The following GPR37L1 variants were observed in gnomAD, a reference collection of about 807,000 sequenced individuals.
GPR37L1 encodes the protein G protein-coupled receptor 37 like 1, also known as G protein-coupled receptor 37-like 1.
Under a neutral mutation model 18.0 loss-of-function variants are expected in GPR37L1, and 18 were observed. That is an observed-to-expected ratio of 1.00 (90% CI 0.69 to 1.49). The LOEUF (loss-of-function observed/expected upper bound fraction) is 1.49. GPR37L1 is among the 40% of genes most tolerant of loss of function. The pLI, the probability that GPR37L1 is intolerant of heterozygous loss-of-function variation, is 0.00. For missense variants in GPR37L1, 558 were observed against 615.1 expected, an observed-to-expected ratio of 0.91 and a Z score of 0.98; for synonymous variants, 256 against 273.9, an observed-to-expected ratio of 0.93 and a Z score of 0.65.
rs1219072673 is a variant in GPR37L1 at position 202,128,557 on chromosome 1, G to A, written c.*1G>A. 6.5e-7 allele frequency: 1 copy of A among 1,528,634 alleles called. No individual in the cohort carries two copies. Among genetic ancestry groups the A allele is most frequent in the East Asian group, 2.3e-5 (1 of 44,068 alleles). 94.7% of individuals were successfully genotyped at this position (1,528,634 alleles called of 1,614,324 possible). On this transcript the variant is annotated 3_prime_UTR_variant, in exon 2 of 2. Coordinates refer to ENST00000367282, the MANE Select transcript of GPR37L1 (RefSeq NM_004767.5). ...CCTGCCCCTGGGCACACCTTGCTGA[G>A]GCCCCAGTAGGGGTGGGGAGGGAGG... is the stretch of plus-strand genomic sequence containing the variant.
rs1427565245 is a variant in GPR37L1, at chr1:202,131,720, G to A, written c.*3164G>A. The A allele has an allele frequency of 5.3e-5, 8 of 151,678 alleles. No individual in the cohort carries two copies. The highest frequency in any genetic ancestry group is 1.9e-4 in the African/African-American group (8 of 41,218). The allele number at this position is 151,678 out of a possible 1,614,324, so 9.4% of individuals were successfully genotyped here. A position where few individuals can be genotyped will look rare whatever the true frequency, so the allele number is the denominator to read the frequency against. The stretch of plus-strand genomic sequence containing the variant: ...CCTGAGTAGCTGGGACTACAAGTGT[G>A]TACCACCATGCCTGGCTGAACACTT... On this transcript the variant is annotated 3_prime_UTR_variant, in exon 2 of 2. Coordinates refer to ENST00000367282, the MANE Select transcript of GPR37L1 (RefSeq NM_004767.5).
At chr1:202,125,855 G>A (rs1347370575) in intron 1 of GPR37L1, among the ~76,000 whole-genome samples, 1 of 152,104 alleles carries the variant, frequency 6.6e-6, no homozygotes, top group East Asian at 1.9e-4. Context: ...CCAAGTAGCT[G>A]GTACCGCAGG....
chr1:202,130,331 C>T lies in GPR37L1; in HGVS notation c.*1775C>T, dbSNP rs1654807761. The T allele has an allele frequency of 6.5e-6, 1 of 152,726 alleles. No homozygotes were observed. Among genetic ancestry groups the T allele is most frequent in the South Asian group, 2.1e-4 (1 of 4,842 alleles). 9.5% of individuals were successfully genotyped at this position (152,726 alleles called of 1,614,324 possible). A position where few individuals can be genotyped will look rare whatever the true frequency, so the allele number is the denominator to read the frequency against. On this transcript the variant is annotated 3_prime_UTR_variant, in exon 2 of 2. Transcript: ENST00000367282. ...TCCACATGGGGCCTCAGGAAGGGCC[C>T]CGGGGGCCCAGGGATGGGCAGGGGC...
chr1:202,123,164 CCCCCGGCCCAT>C lies in GPR37L1; in HGVS notation c.202_212del (p.Pro68SerfsTer17), dbSNP rs1323803953. On this transcript the variant is annotated frameshift_variant, in exon 1 of 2. Transcript: ENST00000367282. LOFTEE classifies it high-confidence loss of function. ...ATGTGCCTGAGGAGTGGGCGGAGTA[CCCCCGGCCCAT>C]TCACCCTGCTGGCCTGCAGCCAACC... The C allele has an allele frequency of 6.2e-7, 1 of 1,613,022 alleles. No individual in the cohort carries two copies. Among genetic ancestry groups the C allele is most frequent in the Non-Finnish European group, 8.5e-7 (1 of 1,179,566 alleles).
chr1:202,123,971 C>T (rs1046778825), intron 1 of GPR37L1, among the ~76,000 whole-genome samples: 1 of 152,118 alleles, frequency 6.6e-6, no homozygotes, highest in Non-Finnish European at 1.5e-5. Flanking sequence ...TGTTGTGACT[C>T]CTCTTCTTTC....
At chr1:202,127,205 G>C (rs531498394) in intron 1 of GPR37L1, among the ~76,000 whole-genome samples, 1 of 152,316 alleles carries the variant, frequency 6.6e-6, no homozygotes, top group South Asian at 2.1e-4. Flanking sequence ...GGAATGTGAT[G>C]ACACGTAAAG....
chr1:202,125,724 C>T (rs376887097), intron 1 of GPR37L1, among the ~76,000 whole-genome samples: 1 of 152,086 alleles, frequency 6.6e-6, no homozygotes, highest in African/African-American at 2.4e-5. Context: ...ACCCACAACA[C>T]CCTTCTTCTT....
intron 1 of GPR37L1, among the ~76,000 whole-genome samples, chr1:202,125,153 CAAAAAAAAAAAAA>C (rs10593843): frequency 7.7e-5 from 6 of 77,882 alleles, no homozygotes; most frequent in Admixed American, 1.4e-4. Context: ...AATTCTGTCT[CAAAAAAAAAAAAA>C]AAAAAAAAAA....
chr1:202,127,801 G>T lies in GPR37L1; in HGVS notation c.691G>T (p.Val231Leu). 1 of 1,610,424 alleles carries T rather than the reference G, an allele frequency of 6.2e-7. No individual in the cohort carries two copies. The highest frequency in any genetic ancestry group is 1.3e-5 in the African/African-American group (1 of 74,946). The stretch of plus-strand genomic sequence containing the variant: ...TGCCCTGGGCATTGACCGCTTCCAC[G>T]TGGCCACCAGCACCCTGCCCAAGGT... Reference protein sequence around the residue: ...LCALGIDRFHVATSTLPKVRP... With the variant: ...LCALGIDRFHLATSTLPKVRP... The change falls in exon 2 of 2, where the codon GTG becomes TTG. Residue 231 changes from valine to leucine, a missense_variant. Transcript: ENST00000367282.
In GPR37L1 at chr1:202,128,889, C is replaced by A. The variant is rs963357191; in HGVS notation, c.*333C>A. 8.4e-6 allele frequency: 2 copies of A among 238,120 alleles called. No individual in the cohort carries two copies. Among genetic ancestry groups the A allele is most frequent in the South Asian group, 1.2e-4 (1 of 8,254 alleles). 14.8% of individuals were successfully genotyped at this position (238,120 alleles called of 1,614,324 possible). ...TCTCTTCTCTCTCTCTGCCTTGGAA[C>A]CTGACCATACTTTAGTTGTGCCCTT... On this transcript the variant is annotated 3_prime_UTR_variant, in exon 2 of 2. Coordinates refer to ENST00000367282, the MANE Select transcript of GPR37L1 (RefSeq NM_004767.5).
intron 1 of GPR37L1, among the ~76,000 whole-genome samples, chr1:202,127,285 T>G (rs2147805677): frequency 8.8e-6 from 1 of 113,508 alleles, no homozygotes; most frequent in African/African-American, 3.7e-5. Context: ...CTTCTTTCCT[T>G]CCTTCCTTCC....
chr1:202,132,577 A>C lies in GPR37L1; in HGVS notation c.*4021A>C, dbSNP rs1654883949. ...GGACAGTTTGGCTCCTTTTTCCTGC[A>C]GTGGGAGGGGTGAGAAGGGCTGGGG... On this transcript the variant is annotated 3_prime_UTR_variant, in exon 2 of 2. Transcript: ENST00000367282. 1 of 152,262 alleles carries C rather than the reference A, an allele frequency of 6.6e-6. No individual in the cohort carries two copies. The highest frequency in any genetic ancestry group is 1.5e-5 in the Non-Finnish European group (1 of 68,178). 9.4% of individuals were successfully genotyped at this position (152,262 alleles called of 1,614,324 possible). A position where few individuals can be genotyped will look rare whatever the true frequency, so the allele number is the denominator to read the frequency against.
In GPR37L1 at chr1:202,130,434, C is replaced by T. The variant is rs534292836; in HGVS notation, c.*1878C>T. The T allele has an allele frequency of 8.5e-5, 13 of 152,582 alleles. No individual in the cohort carries two copies. The highest frequency in any genetic ancestry group is 3.1e-4 in the African/African-American group (13 of 41,582). 9.5% of individuals were successfully genotyped at this position (152,582 alleles called of 1,614,324 possible). A position where few individuals can be genotyped will look rare whatever the true frequency, so the allele number is the denominator to read the frequency against. On this transcript the variant is annotated 3_prime_UTR_variant, in exon 2 of 2. Transcript: ENST00000367282. ...CCTTGGCCTCAGCCTGCCCTGTACC[C>T]AAGCTTCCCTCCCCCTCTCCTGGGG...
intron 1 of GPR37L1, among the ~76,000 whole-genome samples, chr1:202,124,164 C>T (rs1429031265): frequency 6.6e-6 from 1 of 152,204 alleles, no homozygotes; most frequent in Non-Finnish European, 1.5e-5. Flanking sequence ...TCTTCCCTCC[C>T]TGCTGGGATT....
rs573637497 is a variant in GPR37L1 at position 202,128,591 on chromosome 1, G to C, written c.*35G>C. On this transcript the variant is annotated 3_prime_UTR_variant, in exon 2 of 2. Coordinates refer to ENST00000367282, the MANE Select transcript of GPR37L1 (RefSeq NM_004767.5). The stretch of plus-strand genomic sequence containing the variant: ...AGGGGTGGGGAGGGAGGGAGAGGCC[G>C]CCACCCCCGCCGGTGTCTGCTGTTC... 3 of 1,197,764 alleles carry C rather than the reference G, an allele frequency of 2.5e-6. No homozygotes were observed. Among genetic ancestry groups the C allele is most frequent in the African/African-American group, 1.5e-5 (1 of 66,132 alleles). The allele number at this position is 1,197,764 out of a possible 1,614,324, so 74.2% of individuals were successfully genotyped here.
chr1:202,130,457 G>A lies in GPR37L1; in HGVS notation c.*1901G>A, dbSNP rs1654814070. The stretch of plus-strand genomic sequence containing the variant: ...CCCAAGCTTCCCTCCCCCTCTCCTG[G>A]GGATCTTAACGGCCTTGTTCTCTCT... On this transcript the variant is annotated 3_prime_UTR_variant, in exon 2 of 2. Transcript: ENST00000367282. 6.6e-6 allele frequency: 1 copy of A among 152,412 alleles called. No individual in the cohort carries two copies. Among genetic ancestry groups the A allele is most frequent in the East Asian group, 1.9e-4 (1 of 5,192 alleles). 9.4% of individuals were successfully genotyped at this position (152,412 alleles called of 1,614,324 possible).
chr1:202,123,626 A>T (rs764777873), intron 1 of GPR37L1, 33 bp downstream of exon 1: 37 of 1,529,758 alleles, frequency 2.4e-5, no homozygotes, highest in Non-Finnish European at 9.6e-6. Flanking sequence ...CTCTGCTGGG[A>T]GGCTGCAATC....
chr1:202,128,403 C>CTGCT lies in GPR37L1; in HGVS notation c.1294_1297dup (p.Cys433LeufsTer6). 1 of 1,613,764 alleles carries CTGCT rather than the reference C, an allele frequency of 6.2e-7. No homozygotes were observed. The highest frequency in any genetic ancestry group is 8.5e-7 in the Non-Finnish European group (1 of 1,179,734). On this transcript the variant is annotated frameshift_variant, in exon 2 of 2. Transcript: ENST00000367282. LOFTEE classifies it low-confidence loss of function (END_TRUNC). Reference sequence around the variant, plus strand: ...TGGGCCAGGCCTTCCTGGACTGCTGCTGCTGCTGCTGCTGTGAGGAGTGCG... The same window carrying CTGCT: ...TGGGCCAGGCCTTCCTGGACTGCTGCTGCTTGCTGCTGCTGCTGTGAGGAGTGCG...
rs969865817 is a variant in GPR37L1, at chr1:202,127,829, G to C, written c.719G>C (p.Arg240Thr). ...GCCACCAGCACCCTGCCCAAGGTGA[G>C]GCCCATCGAGCGGTGCCAATCCATC... ...HVATSTLPKV[R>T]PIERCQSILA... The change falls in exon 2 of 2, where the codon AGG (arginine) becomes ACG (threonine). Residue 240 changes from arginine to threonine, a missense_variant. Arg to Thr is a moderately conservative substitution (Grantham distance 71, BLOSUM62 -1). Transcript: ENST00000367282. 4 of 1,613,782 alleles carry C rather than the reference G, an allele frequency of 2.5e-6. No homozygotes were observed. The highest frequency in any genetic ancestry group is 3.4e-6 in the Non-Finnish European group (4 of 1,179,906).
Sources: allele counts gnomAD v4.1 joint callset (sites outside exome capture counted in the v4.1 genomes callset), GRCh38; gene constraint gnomAD v4.1.1; transcripts MANE v1.5; gene names NCBI Gene and HGNC (gene_info 2026-07-23, HGNC 2026-07-21).